The following BLTP1 variants were observed in gnomAD, a reference collection of about 807,000 sequenced individuals.
The protein encoded by BLTP1 is fragile site-associated protein.
At chr4:122,316,881 A>G in the BLTP1 span, 1 of 1,480,340 alleles carries the variant, frequency 6.8e-7, no homozygotes, top group South Asian at 1.3e-5. Flanking sequence ...AATGATTTTT[A>G]ATTTAATATA....
At chr4:122,250,902 G>A in the BLTP1 span, 4 of 981,896 alleles carry the variant, frequency 4.1e-6, no homozygotes, top group Non-Finnish European at 4.8e-6. Flanking sequence ...ATTTTAGCAG[G>A]CAGAAGTCAT....
chr4:122,215,321 T>G, the BLTP1 span: 4 of 941,982 alleles, frequency 4.2e-6, no homozygotes, highest in Non-Finnish European at 5.1e-6. Flanking sequence ...TCTAAATTTT[T>G]TTAAGATTTA....
chr4:122,341,682 C>G, the BLTP1 span: 2 of 983,554 alleles, frequency 2.0e-6, no homozygotes, highest in Non-Finnish European at 2.4e-6. Context: ...ATATAGGTTG[C>G]GACAATATCC....
At chr4:122,286,624 A>G in the BLTP1 span, 4 of 1,614,000 alleles carry the variant, frequency 2.5e-6, no homozygotes, top group East Asian at 2.2e-5. Context: ...TATGTCAACC[A>G]TTCCTCCTTC....
At chr4:122,313,559 T>G in the BLTP1 span, 1 of 1,165,756 alleles carries the variant, frequency 8.6e-7, no homozygotes, top group Non-Finnish European at 1.2e-6. Context: ...TGTGAAAAAT[T>G]AAAGAGTACA....
the BLTP1 span, among the ~76,000 whole-genome samples, chr4:122,155,685 G>T: frequency 0.028 from 4,339 of 152,256 alleles, 140 homozygotes; most frequent in African/African-American, 0.081. Context: ...GATAATATGG[G>T]AGCTTAGCAA....
the BLTP1 span, chr4:122,232,309 A>G: frequency 6.0e-6 from 1 of 166,044 alleles, no homozygotes; most frequent in East Asian, 1.9e-4. Context: ...TGTATCCCCC[A>G]AGTAGAGTTG....
chr4:122,360,114 A>G, the BLTP1 span: 1 of 897,970 alleles, frequency 1.1e-6, no homozygotes, highest in Non-Finnish European at 1.3e-6. Flanking sequence ...TTAATTGTTA[A>G]GGAACTATTT....
chr4:122,344,513 G>A, the BLTP1 span: 1 of 1,613,824 alleles, frequency 6.2e-7, no homozygotes, highest in South Asian at 1.1e-5. Flanking sequence ...AAGTCAGTCT[G>A]TAAGCAAGTC....
At chr4:122,259,009 G>C in the BLTP1 span, among the ~76,000 whole-genome samples, 1 of 152,102 alleles carries the variant, frequency 6.6e-6, no homozygotes, top group Non-Finnish European at 1.5e-5. Context: ...TTTGAAAATT[G>C]TATCATCAGT....
the BLTP1 span, among the ~76,000 whole-genome samples, chr4:122,337,645 C>G: frequency 4.6e-5 from 7 of 151,688 alleles, no homozygotes; most frequent in African/African-American, 1.7e-4. Context: ...GCATTTTATG[C>G]CTTTATTTTG....
chr4:122,204,844 G>A, the BLTP1 span: 1 of 874,810 alleles, frequency 1.1e-6, no homozygotes, highest in African/African-American at 1.8e-5. Flanking sequence ...GGTAAGCATA[G>A]ATTATGTAAA....
chr4:122,239,595 T>A, the BLTP1 span: 1 of 1,614,068 alleles, frequency 6.2e-7, no homozygotes, highest in African/African-American at 1.3e-5. Context: ...TCCTCTTAGA[T>A]CTCCCTTGAA....
the BLTP1 span, chr4:122,277,673 GT>G: frequency 1.0e-6 from 1 of 976,296 alleles, no homozygotes; most frequent in African/African-American, 1.7e-5. Context: ...TTTATCATTT[GT>G]TTACCACTCA....
At chr4:122,300,837 A>C in the BLTP1 span, 1 of 816,462 alleles carries the variant, frequency 1.2e-6, no homozygotes, top group African/African-American at 1.9e-5. Context: ...AATGTTTTCA[A>C]ATCAATGGAA....
chr4:122,306,652 G>A, the BLTP1 span: 270,154 of 949,100 alleles, frequency 0.28, 40,673 homozygotes, highest in South Asian at 0.47. Context: ...CAATAAGAAC[G>A]AAATAAACAT....
At chr4:122,336,153 T>C in the BLTP1 span, 7 of 1,517,144 alleles carry the variant, frequency 4.6e-6, no homozygotes. Flanking sequence ...ATTGGAACTT[T>C]TTATAAAATC....
chr4:122,246,589 C>T, the BLTP1 span: 1 of 1,384,290 alleles, frequency 7.2e-7, no homozygotes, highest in East Asian at 2.3e-5. Flanking sequence ...CATAGATATG[C>T]CATTCTTAAC....
the BLTP1 span, chr4:122,339,352 G>T: frequency 1.9e-6 from 3 of 1,613,190 alleles, no homozygotes; most frequent in African/African-American, 2.7e-5. Flanking sequence ...TTATCCCCTG[G>T]AGGTAATGCT....
Sources: allele counts gnomAD v4.1 joint callset (sites outside exome capture counted in the v4.1 genomes callset), GRCh38; gene constraint gnomAD v4.1.1; transcripts MANE v1.5; gene names NCBI Gene and HGNC (gene_info 2026-07-23, HGNC 2026-07-21).